Variants in GALNT2 observed in about 807,000 individuals in gnomAD.
GALNT2 encodes UDP-GalNAc:polypeptide N-acetylgalactosaminyltransferase 2.
GALNT2 carries 31 observed loss-of-function variants against 81.4 expected under a neutral mutation model. That is an observed-to-expected ratio of 0.38 (90% CI 0.29 to 0.51). The LOEUF (loss-of-function observed/expected upper bound fraction) is 0.51, where lower values mean the gene tolerates loss of function less well. GALNT2 is among the 20% of genes least tolerant of loss of function. The pLI, the probability that GALNT2 is intolerant of heterozygous loss-of-function variation, is 0.87. For synonymous variants in GALNT2, 303 were observed against 287.4 expected, an observed-to-expected ratio of 1.05 and a Z score of -0.55; for missense variants, 629 against 765.7, an observed-to-expected ratio of 0.82 and a Z score of 2.11.
intron 3 of GALNT2, among the ~76,000 whole-genome samples, chr1:230,232,988 A>T (rs916283432): frequency 1.5e-4 from 23 of 152,154 alleles, no homozygotes; most frequent in African/African-American, 5.3e-4. Context: ...CCATTTTGTG[A>T]TTCTGACCTA....
At chr1:230,229,064 G>C (rs1014845114) in intron 3 of GALNT2, among the ~76,000 whole-genome samples, 2 of 151,910 alleles carry the variant, frequency 1.3e-5, no homozygotes, top group Non-Finnish European at 2.9e-5. Flanking sequence ...AATGACCTTC[G>C]GTTAAGAAAG....
chr1:230,075,650 G>T (rs565425037), intron 1 of GALNT2, among the ~76,000 whole-genome samples: 1 of 152,292 alleles, frequency 6.6e-6, no homozygotes, highest in East Asian at 1.9e-4. Context: ...TAGCAGACAC[G>T]GAATCCTTGT....
At chr1:230,065,067 T>C (rs1238466583), upstream of GALNT2, among the ~76,000 whole-genome samples, 2 of 152,226 alleles carry the variant, frequency 1.3e-5, no homozygotes, top group African/African-American at 2.4e-5. Flanking sequence ...TCTGGGGTTA[T>C]AGTTTTAATA....
intron 1 of GALNT2, among the ~76,000 whole-genome samples, chr1:230,158,873 G>A (rs1461895183): frequency 1.3e-5 from 2 of 152,282 alleles, no homozygotes; most frequent in Admixed American, 6.5e-5. Flanking sequence ...ACACGAGGTC[G>A]TGAATAGCTG....
intron 1 of GALNT2, among the ~76,000 whole-genome samples, chr1:230,158,764 C>T (rs1290313698): frequency 6.6e-6 from 1 of 152,364 alleles, no homozygotes; most frequent in East Asian, 1.9e-4. Flanking sequence ...GTTGCAACCC[C>T]CTACCCACCC....
intron 1 of GALNT2, among the ~76,000 whole-genome samples, chr1:230,144,161 G>C (rs1661838745): frequency 6.6e-6 from 1 of 152,180 alleles, no homozygotes; most frequent in Non-Finnish European, 1.5e-5. Context: ...ACGTCTCCGT[G>C]CTGCCTTCTG....
At chr1:230,134,172 A>C (rs916094188) in intron 1 of GALNT2, among the ~76,000 whole-genome samples, 1 of 148,002 alleles carries the variant, frequency 6.8e-6, no homozygotes, top group Non-Finnish European at 1.5e-5. Context: ...GCAGTGGCGC[A>C]ATCTCAGCTC....
At chr1:230,268,399 C>T (rs761717926) in intron 14 of GALNT2, 6 of 152,234 alleles carry the variant, frequency 3.9e-5, no homozygotes, top group South Asian at 4.1e-4. Flanking sequence ...GCCTCACCTC[C>T]GTGTTTAATC....
chr1:230,136,941 C>A (rs6541292), intron 1 of GALNT2, among the ~76,000 whole-genome samples: 56,244 of 152,146 alleles, frequency 0.37, 10,629 homozygotes, highest in East Asian at 0.55. Context: ...TTTCACCTCA[C>A]GGACAGCGAA....
intron 1 of GALNT2, among the ~76,000 whole-genome samples, chr1:230,167,967 C>T (rs1437290423): frequency 6.6e-6 from 1 of 152,104 alleles, no homozygotes; most frequent in Non-Finnish European, 1.5e-5. Context: ...AAATACCCCC[C>T]CCTTTTTTTT....
At chr1:230,234,852 C>T (rs1370988438) in intron 3 of GALNT2, among the ~76,000 whole-genome samples, 2 of 152,110 alleles carry the variant, frequency 1.3e-5, no homozygotes, top group Non-Finnish European at 2.9e-5. Flanking sequence ...CCCGGTAAAC[C>T]TTTACTGCTT....
intron 1 of GALNT2, among the ~76,000 whole-genome samples, chr1:230,162,963 C>T (rs947491824): frequency 6.6e-6 from 1 of 152,136 alleles, no homozygotes; most frequent in Non-Finnish European, 1.5e-5. Flanking sequence ...TCTGATGGCT[C>T]CTGTGTGTAC....
chr1:230,156,395 G>A (rs561332153), intron 1 of GALNT2, among the ~76,000 whole-genome samples: 2 of 152,192 alleles, frequency 1.3e-5, no homozygotes, highest in South Asian at 4.2e-4. Context: ...ACACTGGTTT[G>A]CAATGTCATC....
chr1:230,212,782 C>T (rs1284441072), intron 3 of GALNT2, among the ~76,000 whole-genome samples: 1 of 152,150 alleles, frequency 6.6e-6, no homozygotes, highest in Non-Finnish European at 1.5e-5. Flanking sequence ...TTTTTTGTGT[C>T]TTTATAAAAC....
At chr1:230,244,928 T>TA (rs1323123453) in intron 7 of GALNT2, among the ~76,000 whole-genome samples, 1 of 152,222 alleles carries the variant, frequency 6.6e-6, no homozygotes, top group Admixed American at 6.5e-5. Flanking sequence ...GTTCTGTTAC[T>TA]AAGTTGTATT....
chr1:230,281,376 CGGG>C lies in GALNT2; in HGVS notation c.*1922_*1924del, dbSNP rs1396710956. On this transcript the variant is annotated 3_prime_UTR_variant, in exon 16 of 16. Coordinates refer to ENST00000366672, the MANE Select transcript of GALNT2 (RefSeq NM_004481.5). Reference sequence around the variant, plus strand: ...GCTTCTGTCTTTCACGGTGGGCGCTCGGGGGGAGCCTGAGGAAAACCCCCTTAG... The same window carrying C: ...GCTTCTGTCTTTCACGGTGGGCGCTCGGGAGCCTGAGGAAAACCCCCTTAG... The C allele has an allele frequency of 6.7e-6, 1 of 149,652 alleles. No individual in the cohort carries two copies. Among genetic ancestry groups the C allele is most frequent in the African/African-American group, 2.5e-5 (1 of 40,448 alleles). 9.3% of individuals were successfully genotyped at this position (149,652 alleles called of 1,614,324 possible). A position where few individuals can be genotyped will look rare whatever the true frequency, so the allele number is the denominator to read the frequency against.
intron 1 of GALNT2, among the ~76,000 whole-genome samples, chr1:230,166,591 C>T (rs1440947009): frequency 3.3e-5 from 5 of 152,220 alleles, no homozygotes; most frequent in South Asian, 4.1e-4. Context: ...AGTGAGCACG[C>T]GGACATGTCT....
chr1:230,240,536 G>A (rs1442662929), intron 6 of GALNT2, among the ~76,000 whole-genome samples: 1 of 152,240 alleles, frequency 6.6e-6, no homozygotes, highest in Non-Finnish European at 1.5e-5. Context: ...AGGTTGCAGT[G>A]AGCCAATATT....
intron 2 of GALNT2, among the ~76,000 whole-genome samples, chr1:230,197,819 C>G (rs1663748178): frequency 6.6e-6 from 1 of 152,052 alleles, no homozygotes; most frequent in Non-Finnish European, 1.5e-5. Flanking sequence ...TGCTCAAGTC[C>G]TTGAATCCTT....
Sources: allele counts gnomAD v4.1 joint callset (sites outside exome capture counted in the v4.1 genomes callset), GRCh38; gene constraint gnomAD v4.1.1; transcripts MANE v1.5; gene names NCBI Gene and HGNC (gene_info 2026-07-23, HGNC 2026-07-21).